PRKCB: variants seen among roughly 807,000 people sequenced by gnomAD.
PRKCB encodes protein kinase C beta, also known as protein kinase C beta type.
Under a neutral mutation model 81.5 loss-of-function variants are expected in PRKCB, and 13 were observed. The observed-to-expected ratio is 0.16, with a 90% CI of 0.10 to 0.25. The LOEUF is 0.25. PRKCB is among the 10% of genes least tolerant of loss of function. The pLI is 1.00. For synonymous variants in PRKCB, 335 were observed against 321.4 expected (o/e 1.04, Z -0.45); for missense variants, 509 against 875.7 (o/e 0.58, Z 5.29).
At chr16:23,940,006 GA>G (rs943368347) in intron 2 of PRKCB, among the ~76,000 whole-genome samples, 1 of 152,004 alleles carries the variant, frequency 6.6e-6, no homozygotes. Context: ...TCAGCTGTAA[GA>G]AACAAACAAT....
chr16:24,014,803 A>T (rs2141840010), intron 3 of PRKCB, among the ~76,000 whole-genome samples: 1 of 152,076 alleles, frequency 6.6e-6, no homozygotes, highest in Non-Finnish European at 1.5e-5. Context: ...CCTTTTATTT[A>T]TTTATTTAAG....
At chr16:23,888,372 G>A (rs1164202516) in intron 2 of PRKCB, among the ~76,000 whole-genome samples, 2 of 152,176 alleles carry the variant, frequency 1.3e-5, no homozygotes, top group Non-Finnish European at 2.9e-5. Context: ...TGGCAGGCTG[G>A]CCCTCCTCTA....
At chr16:24,158,577 T>A (rs1435796010) in intron 10 of PRKCB, among the ~76,000 whole-genome samples, 2 of 151,908 alleles carry the variant, frequency 1.3e-5, no homozygotes, top group South Asian at 2.1e-4. Flanking sequence ...TATATGTATA[T>A]GTATATGTAT....
At chr16:24,098,102 T>C (rs1966465043) in intron 7 of PRKCB, 1 of 152,210 alleles carries the variant, frequency 6.6e-6, no homozygotes, top group East Asian at 1.9e-4. Context: ...GGAATGCCCT[T>C]GGCTGAGAGA....
chr16:24,030,583 A>T (rs896775663), intron 3 of PRKCB, among the ~76,000 whole-genome samples: 1 of 152,132 alleles, frequency 6.6e-6, no homozygotes, highest in African/African-American at 2.4e-5. Context: ...ACTGAAGCAC[A>T]AAAAGATCAA....
intron 16 of PRKCB, among the ~76,000 whole-genome samples, chr16:24,211,327 G>C (rs1968134772): frequency 6.6e-6 from 1 of 152,190 alleles, no homozygotes; most frequent in African/African-American, 2.4e-5. Flanking sequence ...GGGATTTGTA[G>C]TAGAAAATGG....
intron 2 of PRKCB, among the ~76,000 whole-genome samples, chr16:23,874,387 A>T (rs1597220958): frequency 6.6e-6 from 1 of 152,224 alleles, no homozygotes. Context: ...GGGGTTACAA[A>T]TTCAAATTCC....
chr16:24,123,733 G>A (rs756613827), intron 8 of PRKCB, 102 bp from the exon 9 acceptor site: 10 of 1,238,606 alleles, frequency 8.1e-6, no homozygotes, highest in Non-Finnish European at 1.1e-5. Flanking sequence ...GGGACAGGGT[G>A]CCGGAGCTGC....
At chr16:23,916,503 A>G (rs985998446) in intron 2 of PRKCB, among the ~76,000 whole-genome samples, 15 of 152,124 alleles carry the variant, frequency 9.9e-5, no homozygotes, top group Admixed American at 2.0e-4. Flanking sequence ...GAGCTTTAAT[A>G]CTTTTATTGA....
At chr16:23,988,652 G>A (rs1964832953) in intron 3 of PRKCB, 62 bp downstream of exon 3, 2 of 1,422,284 alleles carry the variant, frequency 1.4e-6, no homozygotes, top group Non-Finnish European at 2.0e-6. Flanking sequence ...GTGATTAAAT[G>A]TGAGTGAGCA....
intron 2 of PRKCB, among the ~76,000 whole-genome samples, chr16:23,877,659 T>G (rs989591548): frequency 6.6e-6 from 1 of 152,198 alleles, no homozygotes; most frequent in African/African-American, 2.4e-5. Context: ...TTGTTCTGTG[T>G]GAGTCCCCAT....
chr16:24,206,775 T>G (rs1000071044), intron 16 of PRKCB, among the ~76,000 whole-genome samples: 1 of 152,252 alleles, frequency 6.6e-6, no homozygotes, highest in African/African-American at 2.4e-5. Flanking sequence ...CTGCTAGATC[T>G]TAAGCTCAAC....
At chr16:24,152,029 GA>G (rs1315402971) in intron 9 of PRKCB, among the ~76,000 whole-genome samples, 1 of 152,192 alleles carries the variant, frequency 6.6e-6, no homozygotes, top group African/African-American at 2.4e-5. Flanking sequence ...GGGAATGGGA[GA>G]TAGTTGCAGA....
chr16:24,018,154 C>G (rs1230466168), intron 3 of PRKCB, among the ~76,000 whole-genome samples: 1 of 152,128 alleles, frequency 6.6e-6, no homozygotes, highest in Non-Finnish European at 1.5e-5. Context: ...CCACCTCGGC[C>G]TCCCAAAGTG....
chr16:24,014,276 G>A (rs565442377), intron 3 of PRKCB, among the ~76,000 whole-genome samples: 3 of 152,270 alleles, frequency 2.0e-5, no homozygotes, highest in Middle Eastern at 3.4e-3. Flanking sequence ...GGGGAGAGGG[G>A]TGGGGAGGGG....
intron 5 of PRKCB, among the ~76,000 whole-genome samples, chr16:24,061,924 A>AAC (rs759714110): frequency 1.3e-5 from 2 of 149,736 alleles, no homozygotes; most frequent in Non-Finnish European, 3.0e-5. Context: ...AAAAAAAAAA[A>AAC]AAAAAAAAAC....
intron 2 of PRKCB, among the ~76,000 whole-genome samples, chr16:23,960,681 A>G (rs1410429108): frequency 2.6e-5 from 4 of 152,198 alleles, no homozygotes; most frequent in African/African-American, 9.7e-5. Context: ...CCAAATGTCC[A>G]TGTGTTCTCA....
At chr16:24,128,338 G>T (rs1189974845) in intron 9 of PRKCB, among the ~76,000 whole-genome samples, 4 of 152,308 alleles carry the variant, frequency 2.6e-5, no homozygotes, top group South Asian at 2.1e-4. Flanking sequence ...TCGTGCCACT[G>T]CACTCCAGCC....
In PRKCB at chr16:23,981,687, CCCTTCCCCTTCCCTTCCCCTTCCCTTT is replaced by C. The variant is rs1436425567; in HGVS notation, c.206-6818_206-6792del. On this transcript the variant is annotated intron_variant, in intron 2 of 16. Transcript: ENST00000643927. ...TTCCCTTTCTCTTCCCCTTCCCCTTCCCTTCCCCTTCCCTTCCCCTTCCCTTTCCCTTCCCCTTCCCTTCCCCTTCCC... is the reference window on the plus strand; with the variant it reads ...TTCCCTTTCTCTTCCCCTTCCCCTTCCCCTTCCCCTTCCCTTCCCCTTCCC... 9.3e-3 allele frequency among the ~76,000 whole-genome samples: 1,089 copies of C among 116,530 alleles called. 48 individuals are homozygous for C. The highest frequency in any genetic ancestry group is 0.042 in the Middle Eastern group (9 of 216). 76.4% of individuals were successfully genotyped at this position (116,530 alleles called of 152,430 possible). A position where few individuals can be genotyped will look rare whatever the true frequency, so the allele number is the denominator to read the frequency against.
Sources: gnomAD v4.1 joint callset for allele counts (sites outside exome capture counted in the v4.1 genomes callset) on GRCh38, gnomAD v4.1.1 for gene constraint, MANE v1.5 for transcripts, NCBI Gene and HGNC (gene_info 2026-07-23, HGNC 2026-07-21) for gene names.